The following ASTN2 variants were observed in gnomAD, a reference collection of about 807,000 sequenced individuals.
ASTN2 encodes the protein astrotactin 2.
Under a neutral mutation model 139.8 loss-of-function variants are expected in ASTN2, and 54 were observed. That is an observed-to-expected ratio of 0.39 (90% CI 0.31 to 0.48). The LOEUF is 0.48. Ranked by LOEUF, ASTN2 falls within the 20% of genes least tolerant of loss-of-function variation. The pLI is 0.95. For missense variants in ASTN2, 1,565 were observed against 1,725.1 expected (o/e 0.91, Z 1.64); for synonymous variants, 756 against 719.5 (o/e 1.05, Z -0.81).
chr9:116,764,315 G>A (rs976543972), intron 13 of ASTN2, among the ~76,000 whole-genome samples: 7 of 152,316 alleles, frequency 4.6e-5, no homozygotes, highest in African/African-American at 7.2e-5. Context: ...TATTGCAGGA[G>A]TATCAAGATC....
chr9:116,927,139 G>A (rs999506516), intron 10 of ASTN2, among the ~76,000 whole-genome samples: 3 of 152,298 alleles, frequency 2.0e-5, no homozygotes, highest in African/African-American at 4.8e-5. Flanking sequence ...AACCTTGAGC[G>A]TTTCACTGAG....
chr9:116,491,313 T>C (rs531067443), intron 19 of ASTN2, among the ~76,000 whole-genome samples: 1 of 152,356 alleles, frequency 6.6e-6, no homozygotes, highest in Admixed American at 6.5e-5. Flanking sequence ...ATGGTAAAGC[T>C]GAGGTTAATG....
intron 1 of ASTN2, among the ~76,000 whole-genome samples, chr9:117,314,636 A>G (rs992225327): frequency 6.8e-6 from 1 of 146,300 alleles, no homozygotes; most frequent in African/African-American, 2.5e-5. Context: ...ATATATAATT[A>G]TAATTATTAT....
Position 117,098,102 on chromosome 9 carries a change from G to C in ASTN2, c.1169-1951C>G, listed in dbSNP as rs370330089. On this transcript the variant is annotated intron_variant, in intron 4 of 22. Coordinates refer to ENST00000313400, the MANE Select transcript of ASTN2 (RefSeq NM_001365068.1). ...GGCTAGTCTGTCCAACTCCAAATTT[G>C]GTCTCTCTGTAATATACACATTGCT... 3.2e-4 allele frequency among the ~76,000 whole-genome samples: 49 copies of C among 152,248 alleles called. 1 individual carries two copies. The East Asian group carries it at 6.8e-3, about 21-fold the overall frequency.
intron 19 of ASTN2, among the ~76,000 whole-genome samples, chr9:116,615,980 T>C (rs12553550): frequency 0.11 from 16,970 of 152,216 alleles, 1,024 homozygotes; most frequent in East Asian, 0.15. Context: ...AAAGACTAAA[T>C]GCCTGAGATT....
rs1554717149 is a variant in ASTN2, at chr9:116,586,845, C to CACAT, written c.3355+31478_3355+31479insATGT. On this transcript the variant is annotated intron_variant, in intron 19 of 22. Coordinates refer to ENST00000313400, the MANE Select transcript of ASTN2 (RefSeq NM_001365068.1). ...ACACACATACATACACACACACACACACACACACACACACACGTATGTATA... is the reference window on the plus strand; with the variant it reads ...ACACACATACATACACACACACACACACATACACACACACACACACGTATGTATA... Among the ~76,000 whole-genome samples the CACAT allele has an allele frequency of 6.0e-5, 5 of 83,822 alleles. No homozygotes were observed. The East Asian group carries it at 1.7e-3, about 29-fold the overall frequency. The allele number at this position is 83,822 out of a possible 152,430, so 55.0% of individuals were successfully genotyped here.
chr9:117,204,269 G>A (rs571414936), intron 3 of ASTN2, among the ~76,000 whole-genome samples: 4 of 152,174 alleles, frequency 2.6e-5, no homozygotes, highest in Non-Finnish European at 4.4e-5. Flanking sequence ...ATTTCGGCCA[G>A]GCTGGTCTGG....
intron 13 of ASTN2, among the ~76,000 whole-genome samples, chr9:116,781,939 C>G (rs1830230071): frequency 6.6e-6 from 1 of 152,138 alleles, no homozygotes; most frequent in Non-Finnish European, 1.5e-5. Context: ...CCTCGAGCAG[C>G]TTTCACAAAT....
Position 117,102,020 on chromosome 9 carries a change from C to T in ASTN2, c.1169-5869G>A, listed in dbSNP as rs1587965006. Among the ~76,000 whole-genome samples the T allele has an allele frequency of 2.0e-5, 3 of 152,274 alleles. No homozygotes were observed. The South Asian group carries it at 6.2e-4, about 32-fold the overall frequency. ...GAATTACCACATGATGCAGGATTTC[C>T]ACTCCTAGGTATATACCTCCAGCCC... On this transcript the variant is annotated intron_variant, in intron 4 of 22. Coordinates refer to ENST00000313400, the MANE Select transcript of ASTN2 (RefSeq NM_001365068.1).
At position 116,519,631 on chromosome 9, in the gene ASTN2, C is replaced by T. The variant is rs372030316; in HGVS notation, c.3356-32131G>A. On this transcript the variant is annotated intron_variant, in intron 19 of 22. Transcript: ENST00000313400. ...AAACAAGAACAATCCAAATCCAAAC[C>T]CAGCAGAAGAAAAGAAATAACGAAT... Among the ~76,000 whole-genome samples, 10 of 151,826 alleles carry T rather than the reference C, an allele frequency of 6.6e-5. No individual in the cohort carries two copies. In the East Asian group the frequency reaches 1.7e-3, roughly 27 times the overall value.
rs370928845 is a variant in ASTN2, at chr9:117,230,185, G to GGAAAA, written c.631-15444_631-15443insTTTTC. 1.1e-4 allele frequency among the ~76,000 whole-genome samples: 15 copies of GGAAAA among 139,260 alleles called. No homozygotes were observed. The South Asian group carries it at 3.5e-3, about 33-fold the overall frequency. The allele number at this position is 139,260 out of a possible 152,430, so 91.4% of individuals were successfully genotyped here. A position where few individuals can be genotyped will look rare whatever the true frequency, so the allele number is the denominator to read the frequency against. On this transcript the variant is annotated intron_variant, in intron 2 of 22. Transcript: ENST00000313400. ...CTGGGTGTGTGAATTTCTTCAGGCT[G>GGAAAA]AAAAAAAAAAAATCACCCAAACTGA...
chr9:116,457,051 A>T (rs1786762089), intron 20 of ASTN2, among the ~76,000 whole-genome samples: 2 of 152,136 alleles, frequency 1.3e-5, no homozygotes, highest in African/African-American at 4.8e-5. Flanking sequence ...AAATCCACAC[A>T]TCCACAGTTA....
At chr9:116,883,883 A>G (rs1833520232) in intron 10 of ASTN2, among the ~76,000 whole-genome samples, 1 of 152,218 alleles carries the variant, frequency 6.6e-6, no homozygotes, top group Non-Finnish European at 1.5e-5. Flanking sequence ...GCATGTCCTG[A>G]GTTTTGTCAG....
intron 1 of ASTN2, among the ~76,000 whole-genome samples, chr9:117,358,330 A>G (rs1829601173): frequency 6.6e-6 from 1 of 151,970 alleles, no homozygotes. Context: ...ACCCAAGGCC[A>G]CAAAGCAAAT....
At position 117,096,098 on chromosome 9, in the gene ASTN2, C is replaced by T. The variant is rs748529468; in HGVS notation, c.1222G>A (p.Glu408Lys). The change falls in exon 5 of 23, where the codon GAA becomes AAA. Residue 408 changes from glutamate (E) to lysine (K), a missense_variant. Transcript: ENST00000313400. ...TCCGTGTAGAATGTCAGCTGAGTTT[C>T]ATCGTCTGCCTCTGAGCCCGACGTC... The part of the protein sequence containing the change: ...KGTSGSEADD[E>K]TQLTFYTEQY... 6 of 1,613,972 alleles carry T rather than the reference C, an allele frequency of 3.7e-6. No homozygotes were observed. In the South Asian group the frequency reaches 6.6e-5, roughly 18 times the overall value.
At chr9:116,950,323 T>C (rs1484474772) in intron 10 of ASTN2, among the ~76,000 whole-genome samples, 1 of 152,088 alleles carries the variant, frequency 6.6e-6, no homozygotes, top group Non-Finnish European at 1.5e-5. Context: ...TTAAGAACCA[T>C]TGTGATAAAG....
At chr9:116,766,989 GAT>G (rs1829828569) in intron 13 of ASTN2, among the ~76,000 whole-genome samples, 1 of 149,954 alleles carries the variant, frequency 6.7e-6, no homozygotes, top group South Asian at 2.1e-4. Context: ...CACACAGATT[GAT>G]AGTCACACAA....
chr9:116,688,961 T>C (rs532572905), intron 16 of ASTN2, among the ~76,000 whole-genome samples: 6 of 152,244 alleles, frequency 3.9e-5, no homozygotes, highest in African/African-American at 1.4e-4. Flanking sequence ...CAAGTCTGGC[T>C]TTGTCTCCTA....
At chr9:116,696,128 C>T (rs1029842469) in intron 16 of ASTN2, among the ~76,000 whole-genome samples, 2 of 152,170 alleles carry the variant, frequency 1.3e-5, no homozygotes, top group African/African-American at 4.8e-5. Flanking sequence ...TGCTTCAAAA[C>T]ATTCATCACC....
Sources: gnomAD v4.1 joint callset for allele counts (sites outside exome capture counted in the v4.1 genomes callset) on GRCh38, gnomAD v4.1.1 for gene constraint, MANE v1.5 for transcripts, NCBI Gene and HGNC (gene_info 2026-07-23, HGNC 2026-07-21) for gene names.